HOXA3: variants seen among roughly 807,000 people sequenced by gnomAD.
The protein encoded by HOXA3 is homeobox protein Hox-A3.
HOXA3 carries 8 observed loss-of-function variants against 30.3 expected under a neutral mutation model. The observed-to-expected ratio is 0.26, with a 90% CI of 0.15 to 0.48. HOXA3 has a LOEUF of 0.48. Ranked by LOEUF, HOXA3 falls within the 20% of genes least tolerant of loss-of-function variation. The pLI is 0.99. For missense variants in HOXA3, 653 were observed against 614.4 expected (o/e 1.06, Z -0.66); for synonymous variants, 323 against 273.1 (o/e 1.18, Z -1.80).
At chr7:27,143,364 C>T (rs776598451) in intron 1 of HOXA3, 4 of 1,583,334 alleles carry the variant, frequency 2.5e-6, no homozygotes, top group Non-Finnish European at 3.4e-6. Context: ...CTGGGCTCGG[C>T]GGGCGCCGCG....
chr7:27,125,518 C>T (rs1583391391), intron 3 of HOXA3, among the ~76,000 whole-genome samples: 1 of 152,242 alleles, frequency 6.6e-6, no homozygotes, highest in South Asian at 2.1e-4. Flanking sequence ...GGGAACAGAA[C>T]ACACGTCTCT....
At chr7:27,147,013 G>A in intron 1 of HOXA3, 1 of 481,592 alleles carries the variant, frequency 2.1e-6, no homozygotes, top group Non-Finnish European at 3.7e-6. Context: ...CTCCCCACCA[G>A]CCTCTCTCTC....
intron 4 of HOXA3, chr7:27,122,077 A>C (rs1785040930): frequency 6.6e-6 from 1 of 152,522 alleles, no homozygotes; most frequent in Non-Finnish European, 1.5e-5. Flanking sequence ...AAAATGGTCT[A>C]AGAAACTGCA....
intron 2 of HOXA3, chr7:27,130,058 C>T: frequency 6.6e-7 from 1 of 1,520,104 alleles, no homozygotes; most frequent in Middle Eastern, 1.7e-4. Flanking sequence ...CTGACCCCGA[C>T]CCTCGAACCC....
At chr7:27,127,495 A>C (rs1667925290) in intron 2 of HOXA3, among the ~76,000 whole-genome samples, 1 of 152,238 alleles carries the variant, frequency 6.6e-6, no homozygotes, top group Admixed American at 6.5e-5. Flanking sequence ...AAATTCTCTG[A>C]TATTGCAGAG....
At chr7:27,131,034 G>C (rs561074696) in intron 2 of HOXA3, among the ~76,000 whole-genome samples, 2 of 152,122 alleles carry the variant, frequency 1.3e-5, no homozygotes, top group African/African-American at 4.8e-5. Context: ...GGATGCTGCT[G>C]TCCGGCCCCT....
rs1487932631 is a variant in HOXA3, at chr7:27,110,657, C to G, written c.-17G>C. 6.3e-7 allele frequency: 1 copy of G among 1,596,836 alleles called. No individual in the cohort carries two copies. Among genetic ancestry groups the G allele is most frequent in the Non-Finnish European group, 8.6e-7 (1 of 1,166,348 alleles). The stretch of plus-strand genomic sequence containing the variant: ...TTTTTGCATCGCGTTGTTTCACGAT[C>G]TTGATCGCACACTCTGACAGGGGTT... On this transcript the variant is annotated 5_prime_UTR_variant, in exon 5 of 6. Coordinates refer to ENST00000612286, the MANE Select transcript of HOXA3 (RefSeq NM_153631.3).
At position 27,108,465 on chromosome 7, in the gene HOXA3, C is replaced by T. The variant is rs576449568; in HGVS notation, c.782G>A (p.Gly261Asp). ...CACGGGGCTGCGACTTGGAGACTGG[C>T]CCCCCGATGACGTTAGCATGCCCTT... ...KGKGMLTSSG[G>D]QSPSRSPVPP... Residue 261 changes from glycine to aspartate, a missense_variant, in exon 6 of 6, where the codon GGC (glycine) becomes GAC (aspartate). Transcript: ENST00000612286. The surrounding 1 kb of genome is among the most constrained non-coding windows in gnomAD (Gnocchi z 5.0). 6.2e-6 allele frequency: 10 copies of T among 1,613,940 alleles called. No individual in the cohort carries two copies. The East Asian group carries it at 6.7e-5, about 11-fold the overall frequency.
intron 2 of HOXA3, chr7:27,130,552 G>A (rs1268642605): frequency 3.6e-6 from 5 of 1,392,782 alleles, no homozygotes; most frequent in Non-Finnish European, 4.7e-6. Flanking sequence ...GCCCGCGTGA[G>A]GGAGCTGGGG....
rs560579392 is a variant in HOXA3 at position 27,113,443 on chromosome 7, A to G, written c.-120-2683T>C. ...AAGGCTGGGCTAGGGGAGAGGCAAG[A>G]GGTGGGGGCGGGGATGGGAAAGCGG... On this transcript the variant is annotated intron_variant, in intron 4 of 5. Coordinates refer to ENST00000612286, the MANE Select transcript of HOXA3 (RefSeq NM_153631.3). This position sits in a 1 kb window ranked among gnomAD's most constrained non-coding sequence, Gnocchi z 4.8. Among the ~76,000 whole-genome samples, 34 of 152,106 alleles carry G rather than the reference A, an allele frequency of 2.2e-4. No homozygotes were observed. The highest frequency in any genetic ancestry group is 7.9e-4 in the African/African-American group (33 of 41,514).
intron 2 of HOXA3, chr7:27,130,565 G>A (rs1162695443): frequency 2.1e-6 from 3 of 1,440,674 alleles, no homozygotes; most frequent in Admixed American, 2.7e-5. Flanking sequence ...AGCTGGGGCT[G>A]CTGCAGCGGC....
At position 27,152,563 on chromosome 7, in the gene HOXA3, C is replaced by A. The variant is rs929132841; in HGVS notation, c.-769G>T. On this transcript the variant is annotated 5_prime_UTR_variant, in exon 1 of 6. Transcript: ENST00000612286. ...AGGCAGAGCTCCGAAGCAGGCAGGA[C>A]GGAGCGGAGCAAAAGAATGCGGCTC... The A allele has an allele frequency of 1.3e-5, 16 of 1,189,622 alleles. No homozygotes were observed. The highest frequency in any genetic ancestry group is 1.6e-5 in the Non-Finnish European group (15 of 943,032). 73.7% of individuals were successfully genotyped at this position (1,189,622 alleles called of 1,614,324 possible). A position where few individuals can be genotyped will look rare whatever the true frequency, so the allele number is the denominator to read the frequency against.
rs1156621751 is a variant in HOXA3, at chr7:27,129,095, C to A, written c.-389-2025G>T. 6.0e-5 allele frequency: 44 copies of A among 728,002 alleles called. 1 individual carries two copies. Among genetic ancestry groups the A allele is most frequent in the Non-Finnish European group, 2.5e-5 (10 of 403,408 alleles). 45.1% of individuals were successfully genotyped at this position (728,002 alleles called of 1,614,324 possible). A position where few individuals can be genotyped will look rare whatever the true frequency, so the allele number is the denominator to read the frequency against. ...GGATAATGTCTTCTTTTTGATTATT[C>A]TTTTCACCAATTTGGGTTTGTTTTG... On this transcript the variant is annotated intron_variant, in intron 2 of 5. Transcript: ENST00000612286.
intron 5 of HOXA3, among the ~76,000 whole-genome samples, chr7:27,109,355 C>T (rs913792050): frequency 6.6e-6 from 1 of 152,202 alleles, no homozygotes; most frequent in Non-Finnish European, 1.5e-5. Context: ...AGCTTTTGTC[C>T]ACTAATCTTG....
Position 27,130,698 on chromosome 7 carries a change from G to A in HOXA3, c.-389-3628C>T, listed in dbSNP as rs750649881. 11 of 1,608,614 alleles carry A rather than the reference G, an allele frequency of 6.8e-6. No homozygotes were observed. In the Admixed American group the frequency reaches 1.7e-4, roughly 24 times the overall value. Reference sequence around the variant, plus strand: ...CGAAGGGAGGGAACTTGGGCTCGATGTAGTTGGAGTTTATCAAAAACGAGC... The same window carrying A: ...CGAAGGGAGGGAACTTGGGCTCGATATAGTTGGAGTTTATCAAAAACGAGC... On this transcript the variant is annotated intron_variant, in intron 2 of 5. Coordinates refer to ENST00000612286, the MANE Select transcript of HOXA3 (RefSeq NM_153631.3).
At chr7:27,133,680 A>C (rs1378101475) in intron 2 of HOXA3, among the ~76,000 whole-genome samples, 1 of 152,212 alleles carries the variant, frequency 6.6e-6, no homozygotes, top group Admixed American at 6.5e-5. Context: ...GGAGGGTGCA[A>C]GGGAGGCAAT....
Position 27,108,817 on chromosome 7 carries a change from G to T in HOXA3, c.527-97C>A. On this transcript the variant is annotated intron_variant, in intron 5 of 5. Transcript: ENST00000612286. This position sits in a 1 kb window ranked among gnomAD's most constrained non-coding sequence, Gnocchi z 5.0. ...GCCCCTCCTTCCACCAGGCCCCAAA[G>T]GTTCCTGCATCCGTCAGGTCCCAGA... 2 of 886,678 alleles carry T rather than the reference G, an allele frequency of 2.3e-6. No individual in the cohort carries two copies. The highest frequency in any genetic ancestry group is 1.7e-6 in the Non-Finnish European group (1 of 592,376). The allele number at this position is 886,678 out of a possible 1,614,324, so 54.9% of individuals were successfully genotyped here. A position where few individuals can be genotyped will look rare whatever the true frequency, so the allele number is the denominator to read the frequency against.
chr7:27,142,360 C>T (rs1433306351), intron 1 of HOXA3, among the ~76,000 whole-genome samples: 1 of 152,180 alleles, frequency 6.6e-6, no homozygotes, highest in African/African-American at 2.4e-5. Context: ...CTCCGCCCTG[C>T]CCCGGGCGCC....
At chr7:27,137,936 C>G (rs1411260934) in intron 2 of HOXA3, among the ~76,000 whole-genome samples, 3 of 152,052 alleles carry the variant, frequency 2.0e-5, no homozygotes, top group African/African-American at 7.2e-5. Context: ...ATTAAACTGG[C>G]AGAATCCCCG....
Sources: gnomAD v4.1 joint callset for allele counts (sites outside exome capture counted in the v4.1 genomes callset) on GRCh38, gnomAD v4.1.1 for gene constraint, Gnocchi (gnomAD v3.1) non-coding constraint, MANE v1.5 for transcripts, NCBI Gene and HGNC (gene_info 2026-07-23, HGNC 2026-07-21) for gene names.